The following SMAP1 variants were observed in gnomAD, a reference collection of about 807,000 sequenced individuals.
SMAP1 encodes stromal membrane-associated protein 1.
In SMAP1, 24 loss-of-function variants were observed where a neutral mutation model predicts 58.5. The ratio of observed to expected loss-of-function variants is 0.41; its 90% CI spans 0.30 to 0.58. The LOEUF (loss-of-function observed/expected upper bound fraction) is 0.58, where lower values mean the gene tolerates loss of function less well. Among genes scored for constraint, SMAP1 ranks in the 20% least tolerant of loss-of-function variants. The pLI is 0.29. For missense variants in SMAP1, 563 were observed against 566.3 expected (o/e 0.99, Z 0.06); for synonymous variants, 216 against 196.6 (o/e 1.10, Z -0.82).
chr6:70,745,393 G>T (rs1219125354), intron 2 of SMAP1, among the ~76,000 whole-genome samples: 1 of 152,130 alleles, frequency 6.6e-6, no homozygotes, highest in Non-Finnish European at 1.5e-5. Context: ...TCTACATATG[G>T]CTAGCCAGTT....
intron 1 of SMAP1, chr6:70,668,846 G>A: frequency 9.0e-7 from 1 of 1,114,288 alleles, no homozygotes; most frequent in Non-Finnish European, 1.2e-6. Context: ...AGGACGGTGG[G>A]TTTGTATTTC....
chr6:70,787,299 C>T (rs975213738), intron 4 of SMAP1, among the ~76,000 whole-genome samples: 1 of 152,100 alleles, frequency 6.6e-6, no homozygotes, highest in Admixed American at 6.6e-5. Flanking sequence ...AAAATTAATT[C>T]AAGATGGATT....
intron 1 of SMAP1, among the ~76,000 whole-genome samples, chr6:70,728,195 G>A (rs1428382246): frequency 6.6e-6 from 1 of 152,310 alleles, no homozygotes; most frequent in African/African-American, 2.4e-5. Flanking sequence ...TTGGATCCAA[G>A]GTTGCAGGTT....
At chr6:70,775,178 G>T (rs1767496967) in intron 4 of SMAP1, among the ~76,000 whole-genome samples, 1 of 152,050 alleles carries the variant, frequency 6.6e-6, no homozygotes, top group Admixed American at 6.6e-5. Context: ...TAAAATTAAG[G>T]CCGCTGTAAG....
chr6:70,783,677 C>T (rs187533704), intron 4 of SMAP1, among the ~76,000 whole-genome samples: 167 of 152,020 alleles, frequency 1.1e-3, no homozygotes, highest in African/African-American at 4.0e-3. Context: ...GGAGCCGATG[C>T]GATCAACTGG....
At chr6:70,691,794 C>T (rs1417263190) in intron 1 of SMAP1, among the ~76,000 whole-genome samples, 3 of 152,152 alleles carry the variant, frequency 2.0e-5, no homozygotes, top group African/African-American at 4.8e-5. Flanking sequence ...GGACCTCATT[C>T]GTTTTTATTG....
chr6:70,798,682 A>C lies in SMAP1; in HGVS notation c.521A>C (p.Glu174Ala). Residue 174 changes from glutamate (E) to alanine (A), a missense_variant, in exon 6 of 11, where the codon GAG becomes GCG. Transcript: ENST00000370455. ...AAAGAAAAGGAAAAAAAAAAGGAAG[A>C]GAAAAAGAGAGAAAAGGAGCCAGAA... ...LEKEKEKKKE[E>A]KKREKEPEKP... 1 of 1,545,566 alleles carries C rather than the reference A, an allele frequency of 6.5e-7. No homozygotes were observed. The highest frequency in any genetic ancestry group is 8.7e-7 in the Non-Finnish European group (1 of 1,147,280).
chr6:70,765,672 T>C (rs1766941172), intron 3 of SMAP1, among the ~76,000 whole-genome samples: 2 of 152,304 alleles, frequency 1.3e-5, no homozygotes, highest in Non-Finnish European at 2.9e-5. Context: ...TGTGCATTTG[T>C]ATGATTGTAT....
chr6:70,711,835 G>T (rs954512618), intron 1 of SMAP1, among the ~76,000 whole-genome samples: 1 of 152,082 alleles, frequency 6.6e-6, no homozygotes, highest in African/African-American at 2.4e-5. Context: ...ATTTTTAATG[G>T]AGTCATTAGT....
At chr6:70,800,979 A>C (rs967200557) in intron 6 of SMAP1, among the ~76,000 whole-genome samples, 3 of 152,098 alleles carry the variant, frequency 2.0e-5, no homozygotes, top group Middle Eastern at 3.2e-3. Flanking sequence ...AATAAACATA[A>C]GTGTGCATGT....
intron 1 of SMAP1, among the ~76,000 whole-genome samples, chr6:70,700,849 A>G (rs1767598470): frequency 6.6e-6 from 1 of 152,138 alleles, no homozygotes; most frequent in Non-Finnish European, 1.5e-5. Flanking sequence ...TCAGCAGGTA[A>G]TGGATCCTGC....
chr6:70,825,246 G>T (rs1770065404), intron 6 of SMAP1, among the ~76,000 whole-genome samples: 1 of 152,108 alleles, frequency 6.6e-6, no homozygotes, highest in African/African-American at 2.4e-5. Context: ...GTAGCATTGG[G>T]GCTCTGTGAG....
At chr6:70,744,114 G>A (rs1385553561) in intron 2 of SMAP1, among the ~76,000 whole-genome samples, 2 of 151,714 alleles carry the variant, frequency 1.3e-5, no homozygotes, top group Non-Finnish European at 2.9e-5. Flanking sequence ...CTATGTCAAA[G>A]GAGTGAACAA....
At chr6:70,714,292 T>C (rs58011049) in intron 1 of SMAP1, among the ~76,000 whole-genome samples, 2,765 of 152,288 alleles carry the variant, frequency 0.018, 91 homozygotes, top group African/African-American at 0.063. Context: ...TCTGTTTGTT[T>C]TGTAGTTGTT....
chr6:70,805,428 C>T (rs907983601), intron 6 of SMAP1, among the ~76,000 whole-genome samples: 1 of 152,112 alleles, frequency 6.6e-6, no homozygotes, highest in Admixed American at 6.5e-5. Flanking sequence ...TTTTTAACTT[C>T]CTTGCGATGG....
chr6:70,744,130 T>A (rs1386125747), intron 2 of SMAP1, among the ~76,000 whole-genome samples: 1 of 152,134 alleles, frequency 6.6e-6, no homozygotes. Flanking sequence ...AACAAAATTG[T>A]TAAGATGTTA....
chr6:70,774,522 C>G (rs1767465269), intron 4 of SMAP1, among the ~76,000 whole-genome samples: 1 of 152,012 alleles, frequency 6.6e-6, no homozygotes, highest in African/African-American at 2.4e-5. Flanking sequence ...TCAGTAAAAT[C>G]CTAATAAAGT....
intron 6 of SMAP1, among the ~76,000 whole-genome samples, chr6:70,812,515 G>A (rs1474922947): frequency 6.6e-6 from 1 of 152,126 alleles, no homozygotes; most frequent in Non-Finnish European, 1.5e-5. Context: ...TATTACTTTT[G>A]TGGTACTTAA....
chr6:70,749,769 G>GT (rs1766200634), intron 2 of SMAP1, among the ~76,000 whole-genome samples: 1 of 152,110 alleles, frequency 6.6e-6, no homozygotes. Flanking sequence ...AAAGTACAGG[G>GT]GTAAGAAGAA....
Sources: allele counts gnomAD v4.1 joint callset (sites outside exome capture counted in the v4.1 genomes callset), GRCh38; gene constraint gnomAD v4.1.1; transcripts MANE v1.5; gene names NCBI Gene and HGNC (gene_info 2026-07-23, HGNC 2026-07-21).